MAPK14: variants seen among roughly 807,000 people sequenced by gnomAD.
The protein encoded by MAPK14 is mitogen-activated protein kinase 14.
In MAPK14, 16 loss-of-function variants were observed where a neutral mutation model predicts 49.6. That is an observed-to-expected ratio of 0.32 (90% CI 0.22 to 0.49). The LOEUF (loss-of-function observed/expected upper bound fraction) is 0.49, where lower values mean the gene tolerates loss of function less well. Among genes scored for constraint, MAPK14 ranks in the 20% least tolerant of loss-of-function variants. MAPK14 has a pLI of 0.99. For synonymous variants in MAPK14, 142 were observed against 158.0 expected, an observed-to-expected ratio of 0.90 and a Z score of 0.76; for missense variants, 200 against 441.2, an observed-to-expected ratio of 0.45 and a Z score of 4.90.
chr6:36,113,164 A>G (rs933098355), downstream of MAPK14, among the ~76,000 whole-genome samples: 3 of 152,084 alleles, frequency 2.0e-5, no homozygotes, highest in Non-Finnish European at 4.4e-5. Context: ...CAGCCTGAGC[A>G]ACATAGCTGG....
chr6:36,046,762 A>C (rs1463483064), intron 1 of MAPK14, among the ~76,000 whole-genome samples: 1 of 152,208 alleles, frequency 6.6e-6, no homozygotes, highest in East Asian at 1.9e-4. Context: ...TCAAATAGAG[A>C]TAAAAATATT....
At chr6:36,077,569 T>C (rs944518139) in intron 8 of MAPK14, among the ~76,000 whole-genome samples, 4 of 152,136 alleles carry the variant, frequency 2.6e-5, no homozygotes, top group African/African-American at 9.7e-5. Flanking sequence ...GATATACTTC[T>C]GTAATGGCTA....
intron 8 of MAPK14, among the ~76,000 whole-genome samples, chr6:36,080,975 C>G (rs568109945): frequency 3.4e-4 from 52 of 151,870 alleles, no homozygotes; most frequent in Non-Finnish European, 5.9e-4. Flanking sequence ...ATTTGTATGT[C>G]TTCTTTGGAG....
At chr6:36,054,437 T>C (rs1001636430) in intron 2 of MAPK14, among the ~76,000 whole-genome samples, 4 of 152,246 alleles carry the variant, frequency 2.6e-5, no homozygotes, top group African/African-American at 9.6e-5. Flanking sequence ...GATCATGGTA[T>C]TAGAAAAATA....
chr6:36,061,593 A>T (rs954397647), intron 3 of MAPK14, among the ~76,000 whole-genome samples: 5 of 152,238 alleles, frequency 3.3e-5, no homozygotes, highest in Non-Finnish European at 7.3e-5. Context: ...CTTGGAAGCA[A>T]ATCTCATTAC....
Position 36,076,608 on chromosome 6 carries a change from C to A in MAPK14, c.682C>A (p.His228Asn). The A allele has an allele frequency of 6.2e-7, 1 of 1,612,888 alleles. No homozygotes were observed. Among genetic ancestry groups the A allele is most frequent in the Non-Finnish European group, 8.5e-7 (1 of 1,178,940 alleles). The change falls in exon 8 of 12, where the codon CAT becomes AAT. Residue 228 changes from histidine (H) to asparagine (N), a missense_variant and splice_region_variant. Coordinates refer to ENST00000229794, the MANE Select transcript of MAPK14 (RefSeq NM_139012.3). ...TGRTLFPGTD[H>N]IDQLKLILRL... ...AAGAACATTGTTTCCTGGTACAGAC[C>A]GTATCCTTTAAAAAGTTTTGGATTC...
Position 36,107,405 on chromosome 6 carries a change from T to C in MAPK14, c.842-50T>C, listed in dbSNP as rs1323347582. ...TATGTTTGCTCAATAAGGCATACTT[T>C]TTTGTAACATGTTAAAAACTCTTTT... is the stretch of plus-strand genomic sequence containing the variant. On this transcript the variant is annotated intron_variant, in intron 10 of 11. Transcript: ENST00000229794. This position sits in a 1 kb window ranked among gnomAD's most constrained non-coding sequence, Gnocchi z 4.3. 1.5e-6 allele frequency: 2 copies of C among 1,378,236 alleles called. No homozygotes were observed. The highest frequency in any genetic ancestry group is 2.0e-6 in the Non-Finnish European group (2 of 1,024,986). The allele number at this position is 1,378,236 out of a possible 1,614,324, so 85.4% of individuals were successfully genotyped here.
chr6:36,057,946 C>T (rs1462257683), intron 2 of MAPK14, among the ~76,000 whole-genome samples: 3 of 152,018 alleles, frequency 2.0e-5, no homozygotes, highest in Non-Finnish European at 4.4e-5. Context: ...TCTTATTTGC[C>T]TTGTCAATGC....
intron 3 of MAPK14, among the ~76,000 whole-genome samples, chr6:36,068,887 T>C (rs956318687): frequency 1.1e-4 from 17 of 152,328 alleles, no homozygotes; most frequent in African/African-American, 4.1e-4. Context: ...AGGAGTCACA[T>C]TGAGAAATGT....
downstream of MAPK14, among the ~76,000 whole-genome samples, chr6:36,111,970 G>A (rs1412802356): frequency 6.6e-6 from 1 of 152,160 alleles, no homozygotes; most frequent in African/African-American, 2.4e-5. Context: ...ACTTTGGGAG[G>A]CTGAGGCGGG....
intron 1 of MAPK14, among the ~76,000 whole-genome samples, chr6:36,042,901 C>T (rs1054690736): frequency 2.7e-5 from 3 of 112,574 alleles, no homozygotes; most frequent in Non-Finnish European, 5.4e-5. Flanking sequence ...ATTACTTGAG[C>T]TCAGGAGCTC....
intron 8 of MAPK14, among the ~76,000 whole-genome samples, chr6:36,088,804 A>G (rs1765099601): frequency 6.6e-6 from 1 of 152,224 alleles, no homozygotes. Context: ...AAACATGAAA[A>G]AAAGCTCAGT....
At chr6:36,088,797 C>T (rs929923388) in intron 8 of MAPK14, among the ~76,000 whole-genome samples, 1 of 151,126 alleles carries the variant, frequency 6.6e-6, no homozygotes, top group Non-Finnish European at 1.5e-5. Context: ...AGCCAACAAA[C>T]ATGAAAAAAA....
At chr6:36,102,187 C>A (rs1361989176) in intron 9 of MAPK14, among the ~76,000 whole-genome samples, 5 of 152,166 alleles carry the variant, frequency 3.3e-5, no homozygotes, top group African/African-American at 1.2e-4. Flanking sequence ...ACTGCTGGTC[C>A]AAGACTTGCT....
At chr6:36,079,280 A>G (rs538956512) in intron 8 of MAPK14, among the ~76,000 whole-genome samples, 1 of 152,270 alleles carries the variant, frequency 6.6e-6, no homozygotes, top group African/African-American at 2.4e-5. Context: ...CTGTTCTTCT[A>G]ATTTGCAGAA....
chr6:36,096,275 A>C (rs1765443720), intron 9 of MAPK14: 5 of 485,012 alleles, frequency 1.0e-5, no homozygotes. Flanking sequence ...TTTATTCTCT[A>C]TCTGGGTACA....
At chr6:36,100,401 C>G in intron 9 of MAPK14, 1 of 680,724 alleles carries the variant, frequency 1.5e-6, no homozygotes, top group South Asian at 1.7e-5. Flanking sequence ...TGTGCTATTG[C>G]AAGATGTTGA....
At chr6:36,104,410 CAG>C (rs1333517234) in intron 10 of MAPK14, among the ~76,000 whole-genome samples, 1 of 151,508 alleles carries the variant, frequency 6.6e-6, no homozygotes, top group African/African-American at 2.4e-5. Flanking sequence ...TTTTTTGAGA[CAG>C]AGTCTCGCTC....
the MAPK14 span, among the ~76,000 whole-genome samples, chr6:36,118,076 T>C: frequency 6.6e-6 from 1 of 152,236 alleles, no homozygotes; most frequent in Non-Finnish European, 1.5e-5. Context: ...CTGATTCTCT[T>C]TGCTGTGTCT....
Sources: allele counts gnomAD v4.1 joint callset (sites outside exome capture counted in the v4.1 genomes callset), GRCh38; gene constraint gnomAD v4.1.1; non-coding constraint Gnocchi (gnomAD v3.1); transcripts MANE v1.5; gene names NCBI Gene and HGNC (gene_info 2026-07-23, HGNC 2026-07-21).